RASGRF2: variants seen among roughly 807,000 people sequenced by gnomAD.
RASGRF2 encodes the protein ras-specific guanine nucleotide-releasing factor 2.
In RASGRF2, 76 loss-of-function variants were observed where a neutral mutation model predicts 151.0. The ratio of observed to expected loss-of-function variants is 0.50; its 90% CI spans 0.42 to 0.61. The LOEUF is 0.61. RASGRF2 is among the 20% of genes least tolerant of loss of function. The probability of loss-of-function intolerance (pLI) is 0.00; values close to 1 mark genes in which losing one functional copy is unlikely to be tolerated. For missense variants in RASGRF2, 1,148 were observed against 1,564.6 expected (o/e 0.73, Z 4.49); for synonymous variants, 504 against 566.5 (o/e 0.89, Z 1.57).
At chr5:81,141,756 G>A (rs571449755) in intron 17 of RASGRF2, among the ~76,000 whole-genome samples, 176 of 152,282 alleles carry the variant, frequency 1.2e-3, no homozygotes, top group African/African-American at 4.1e-3. Context: ...AGATGAGCCT[G>A]GGGGAAATTA....
Position 81,134,943 on chromosome 5 carries a change from T to TTTTATAATGG in RASGRF2, c.2686+7780_2686+7781insTTTATAATGG, listed in dbSNP as rs1390335736. On this transcript the variant is annotated intron_variant, in intron 17 of 26. Transcript: ENST00000265080. ...TAATAAAAACTGTTGTAGTAATTAT[T>TTTTATAATGG]CTCTAGTTACATTTTTATAATGGCT... 1.2e-3 allele frequency among the ~76,000 whole-genome samples: 177 copies of TTTTATAATGG among 152,298 alleles called. 1 individual carries two copies. Among genetic ancestry groups the TTTTATAATGG allele is most frequent in the Non-Finnish European group, 6.5e-4 (44 of 68,020 alleles).
chr5:80,983,858 A>C (rs188568577), intron 1 of RASGRF2, among the ~76,000 whole-genome samples: 3 of 152,248 alleles, frequency 2.0e-5, no homozygotes, highest in African/African-American at 7.2e-5. Flanking sequence ...ATGTATTATT[A>C]AAGTTAATTT....
intron 1 of RASGRF2, among the ~76,000 whole-genome samples, chr5:81,026,810 C>T (rs1016549056): frequency 1.3e-5 from 2 of 152,040 alleles, no homozygotes; most frequent in African/African-American, 2.4e-5. Flanking sequence ...CTTTTTTATA[C>T]TTTGAAGTCC....
At position 81,005,398 on chromosome 5, in the gene RASGRF2, G is replaced by A. The variant is rs151066939; in HGVS notation, c.289-37479G>A. ...CGTGAGAACGCACTCACTATCACGAGGACAGCTTGAGGGTAATGGCTCCCA... is the reference window on the plus strand; with the variant it reads ...CGTGAGAACGCACTCACTATCACGAAGACAGCTTGAGGGTAATGGCTCCCA... On this transcript the variant is annotated intron_variant, in intron 1 of 26. Coordinates refer to ENST00000265080, the MANE Select transcript of RASGRF2 (RefSeq NM_006909.3). 3.9e-3 allele frequency among the ~76,000 whole-genome samples: 601 copies of A among 152,234 alleles called. 4 individuals carry two copies. Among genetic ancestry groups the A allele is most frequent in the African/African-American group, 0.014 (578 of 41,540 alleles).
At chr5:81,102,671 G>A (rs986074327) in intron 12 of RASGRF2, among the ~76,000 whole-genome samples, 2 of 151,032 alleles carry the variant, frequency 1.3e-5, no homozygotes, top group African/African-American at 4.9e-5. Flanking sequence ...TTCCAGCCTC[G>A]GCGACAGAGT....
In RASGRF2 at chr5:81,172,434, CGTGTGTGTGTGTGT is replaced by C. The variant is rs57957668; in HGVS notation, c.2687-7714_2687-7701del. On this transcript the variant is annotated intron_variant, in intron 17 of 26. Transcript: ENST00000265080. ...GCTTTCCCTCGTCTACAAGGATGTG[CGTGTGTGTGTGTGT>C]GTGTGTGTGTGTGTGTGTGTGTGTG... 2.6e-3 allele frequency among the ~76,000 whole-genome samples: 372 copies of C among 145,616 alleles called. 1 individual carries two copies. The highest frequency in any genetic ancestry group is 8.6e-3 in the African/African-American group (341 of 39,630).
At chr5:80,998,475 CTGAT>C (rs755561947) in intron 1 of RASGRF2, among the ~76,000 whole-genome samples, 7 of 152,162 alleles carry the variant, frequency 4.6e-5, no homozygotes, top group Non-Finnish European at 7.3e-5. Context: ...GGGGTATACT[CTGAT>C]TGATTTCTTT....
At chr5:81,007,239 C>T (rs936816234) in intron 1 of RASGRF2, among the ~76,000 whole-genome samples, 2 of 152,194 alleles carry the variant, frequency 1.3e-5, no homozygotes, top group African/African-American at 2.4e-5. Flanking sequence ...TTGGCCTCTA[C>T]ACTTTCATAA....
intron 1 of RASGRF2, among the ~76,000 whole-genome samples, chr5:80,983,728 T>G (rs759774684): frequency 6.6e-6 from 1 of 152,246 alleles, no homozygotes; most frequent in Non-Finnish European, 1.5e-5. Context: ...ATGTGCTTTG[T>G]GTATACTTAC....
chr5:81,022,166 T>C (rs1006585715), intron 1 of RASGRF2, among the ~76,000 whole-genome samples: 1 of 151,184 alleles, frequency 6.6e-6, no homozygotes, highest in Non-Finnish European at 1.5e-5. Flanking sequence ...TGCAGGAGAG[T>C]GGGTTGAAGT....
chr5:81,136,289 G>A (rs559932173), intron 17 of RASGRF2, among the ~76,000 whole-genome samples: 5 of 151,954 alleles, frequency 3.3e-5, no homozygotes, highest in South Asian at 4.2e-4. Context: ...TTTTCTCTGC[G>A]TAAAGAACTT....
chr5:81,103,844 A>G (rs1351664596), intron 12 of RASGRF2, among the ~76,000 whole-genome samples: 6 of 152,196 alleles, frequency 3.9e-5, no homozygotes, highest in Non-Finnish European at 7.4e-5. Context: ...AGATTGACTA[A>G]ATAAACTGTA....
intron 18 of RASGRF2, among the ~76,000 whole-genome samples, chr5:81,196,958 A>G (rs1157110510): frequency 6.6e-6 from 1 of 152,220 alleles, no homozygotes; most frequent in African/African-American, 2.4e-5. Flanking sequence ...GAACCAAAGG[A>G]AAGAACACTG....
intron 18 of RASGRF2, 151 bp downstream of exon 18, chr5:81,180,432 T>C: frequency 1.7e-6 from 1 of 599,490 alleles, no homozygotes. Flanking sequence ...AGGCTAGGCA[T>C]ACAGATCAAA....
chr5:80,961,877 G>C (rs1429101753), intron 1 of RASGRF2, among the ~76,000 whole-genome samples: 1 of 152,072 alleles, frequency 6.6e-6, no homozygotes, highest in South Asian at 2.1e-4. Flanking sequence ...TCCAATCACC[G>C]TTTGGTTATT....
At chr5:80,989,713 A>G (rs1748588135) in intron 1 of RASGRF2, among the ~76,000 whole-genome samples, 1 of 152,206 alleles carries the variant, frequency 6.6e-6, no homozygotes, top group Non-Finnish European at 1.5e-5. Flanking sequence ...TGCTGAAATA[A>G]AAGGTTCCAT....
At chr5:81,074,151 C>G (rs973599584) in intron 5 of RASGRF2, among the ~76,000 whole-genome samples, 1 of 152,098 alleles carries the variant, frequency 6.6e-6, no homozygotes, top group African/African-American at 2.4e-5. Flanking sequence ...AATTTATTTG[C>G]TCAATAAATC....
chr5:81,080,528 A>C (rs1467616601), intron 6 of RASGRF2, 68 bp from the exon 7 acceptor site: 1 of 1,466,860 alleles, frequency 6.8e-7, no homozygotes, highest in Non-Finnish European at 9.4e-7. Context: ...ACTCTTTGCC[A>C]TTCCTGCCCA....
chr5:81,127,079 A>G lies in RASGRF2; in HGVS notation c.2602A>G (p.Thr868Ala), dbSNP rs764856718. 2 of 1,613,980 alleles carry G rather than the reference A, an allele frequency of 1.2e-6. No homozygotes were observed. The highest frequency in any genetic ancestry group is 1.7e-6 in the Non-Finnish European group (2 of 1,179,894). Residue 868 changes from threonine (T) to alanine (A), a missense_variant, in exon 17 of 27, where the codon ACG becomes GCG. By Grantham distance (58) the Thr-to-Ala change is moderately conservative. This residue lies in a region of RASGRF2 where 646 missense variants were observed against 807.4 expected (regional missense o/e 0.80). Coordinates refer to ENST00000265080, the MANE Select transcript of RASGRF2 (RefSeq NM_006909.3). Reference sequence around the variant, plus strand: ...CTTTCTTTTCAAATAACCAGGACAGACGGCGGACAATGCCCACTGCTCTGT... The same window carrying G: ...CTTTCTTTTCAAATAACCAGGACAGGCGGCGGACAATGCCCACTGCTCTGT... ...HLRYRQPGGQTADNAHCSVSP... is the reference protein window; with the variant it reads ...HLRYRQPGGQAADNAHCSVSP...
Sources: allele counts gnomAD v4.1 joint callset (sites outside exome capture counted in the v4.1 genomes callset), GRCh38; gene constraint gnomAD v4.1.1; regional missense constraint gnomAD v4.1.1; transcripts MANE v1.5; gene names NCBI Gene and HGNC (gene_info 2026-07-23, HGNC 2026-07-21).